ABL1: variants seen among roughly 807,000 people sequenced by gnomAD.
ABL1 encodes the protein tyrosine-protein kinase ABL1.
A neutral mutation model predicts 94.7 loss-of-function variants in ABL1; 11 were observed. That is an observed-to-expected ratio of 0.12 (90% CI 0.07 to 0.19). The LOEUF is 0.19. Among genes scored for constraint, ABL1 ranks in the 10% least tolerant of loss-of-function variants. The pLI is 1.00. For missense variants in ABL1, 1,082 were observed against 1,489.4 expected (o/e 0.73, Z 4.50); for synonymous variants, 656 against 622.4 (o/e 1.05, Z -0.80).
At chr9:130,730,968 AT>A (rs1831656936) in intron 1 of ABL1, among the ~76,000 whole-genome samples, 1 of 125,752 alleles carries the variant, frequency 8.0e-6, no homozygotes, top group Non-Finnish European at 1.7e-5. Context: ...TTACATAATT[AT>A]AGCCATTGTG....
chr9:130,788,598 G>A (rs1049728577), intron 1 of ABL1, among the ~76,000 whole-genome samples: 1 of 152,160 alleles, frequency 6.6e-6, no homozygotes, highest in Admixed American at 6.5e-5. Flanking sequence ...GTAGGATCCA[G>A]TCCTGGATCA....
intron 3 of ABL1, among the ~76,000 whole-genome samples, chr9:130,861,448 TA>T (rs1287961261): frequency 6.6e-6 from 1 of 152,242 alleles, no homozygotes; most frequent in Non-Finnish European, 1.5e-5. Flanking sequence ...TACCTTCTTT[TA>T]AAAACATTTT....
chr9:130,720,825 C>G (rs181494327), intron 1 of ABL1, among the ~76,000 whole-genome samples: 1 of 152,014 alleles, frequency 6.6e-6, no homozygotes, highest in Non-Finnish European at 1.5e-5. Flanking sequence ...AAGATTTGCT[C>G]TCGGATTAGA....
chr9:130,855,910 ATGTT>A (rs142747024), intron 3 of ABL1, among the ~76,000 whole-genome samples: 5,347 of 151,744 alleles, frequency 0.035, 307 homozygotes, highest in African/African-American at 0.12. Flanking sequence ...CCGATGGTGT[ATGTT>A]TGTTTGTTTG....
chr9:130,724,764 A>AT, intron 1 of ABL1: 1 of 465,308 alleles, frequency 2.1e-6, no homozygotes, highest in African/African-American at 2.0e-5. Flanking sequence ...AAAAAAAAAA[A>AT]AAAAAAGCAA....
chr9:130,885,182 A>G lies in ABL1; in HGVS notation c.2892A>G (p.Pro964=), dbSNP rs1333362077. Residue 964 remains proline (P), a synonymous_variant, in exon 11 of 11, where the codon CCA becomes CCG. Transcript: ENST00000318560. ...AAAAGCCCGTGCTCCCGGCCACTCC[A>G]AAGCCACAGTCCGCCAAGCCGTCGG... is the stretch of plus-strand genomic sequence containing the variant. ...GLKKPVLPAT[P]KPQSAKPSGT... is the part of the protein sequence containing the mutation. The G allele has an allele frequency of 1.2e-6, 2 of 1,613,468 alleles. No individual in the cohort carries two copies. Among genetic ancestry groups the G allele is most frequent in the Admixed American group, 3.3e-5 (2 of 60,030 alleles).
rs560211357 is a variant in ABL1 at position 130,886,822 on chromosome 9, G to A, written c.*1139G>A. The A allele has an allele frequency of 6.0e-5, 14 of 233,358 alleles. No individual in the cohort carries two copies. In the South Asian group the frequency reaches 1.1e-3, roughly 18 times the overall value. 14.5% of individuals were successfully genotyped at this position (233,358 alleles called of 1,614,324 possible). On this transcript the variant is annotated 3_prime_UTR_variant, in exon 11 of 11. Transcript: ENST00000318560. Reference sequence around the variant, plus strand: ...AATAGAGCTGCCACTGGGCACCTGCGCACAGGTGGGAGGAAAGGGCCTGGC... The same window carrying A: ...AATAGAGCTGCCACTGGGCACCTGCACACAGGTGGGAGGAAAGGGCCTGGC...
At chr9:130,745,210 T>C (rs1476479559) in intron 1 of ABL1, among the ~76,000 whole-genome samples, 4 of 151,432 alleles carry the variant, frequency 2.6e-5, no homozygotes, top group Non-Finnish European at 4.4e-5. Context: ...TCAGCCTCCC[T>C]AGTAGCTGGG....
chr9:130,880,008 C>G lies in ABL1; in HGVS notation c.1424-60C>G, dbSNP rs527524204. On this transcript the variant is annotated intron_variant, in intron 8 of 10. Transcript: ENST00000318560. This position sits in a 1 kb window ranked among gnomAD's most constrained non-coding sequence, Gnocchi z 4.4. ...ATTCTAGACTTTTCCTTGAGAACTGCTAGCCCCGTATTGCTAGCCAGATCT... is the reference window on the plus strand; with the variant it reads ...ATTCTAGACTTTTCCTTGAGAACTGGTAGCCCCGTATTGCTAGCCAGATCT... 1 of 1,483,462 alleles carries G rather than the reference C, an allele frequency of 6.7e-7. No homozygotes were observed. Among genetic ancestry groups the G allele is most frequent in the Non-Finnish European group, 9.4e-7 (1 of 1,061,070 alleles). 91.9% of individuals were successfully genotyped at this position (1,483,462 alleles called of 1,614,324 possible).
chr9:130,796,819 C>CT (rs1393182560), intron 1 of ABL1, among the ~76,000 whole-genome samples: 3 of 148,038 alleles, frequency 2.0e-5, no homozygotes, highest in African/African-American at 7.6e-5. Context: ...ACTCAGGAGG[C>CT]TGCGGCAGGA....
Position 130,884,783 on chromosome 9 carries a change from C to A in ABL1, c.2493C>A (p.Pro831=). ...QVTVAPASGL[P]HKEEAGKGSA... ...CCGTGGCCCCTGCCTCGGGCCTCCCCCACAAGGAAGAAGCTGGAAAGGGCA... is the reference window on the plus strand; with the variant it reads ...CCGTGGCCCCTGCCTCGGGCCTCCCACACAAGGAAGAAGCTGGAAAGGGCA... The change falls in exon 11 of 11, where the codon CCC becomes CCA. Residue 831 remains proline (P), a synonymous_variant. Coordinates refer to ENST00000318560, the MANE Select transcript of ABL1 (RefSeq NM_005157.6). The surrounding 1 kb of genome is among the most constrained non-coding windows in gnomAD (Gnocchi z 5.6). The A allele has an allele frequency of 1.2e-6, 2 of 1,610,752 alleles. No homozygotes were observed. Among genetic ancestry groups the A allele is most frequent in the Non-Finnish European group, 1.7e-6 (2 of 1,178,698 alleles).
exon 1 of ABL1, among the ~76,000 whole-genome samples, chr9:130,713,545 C>G (rs992579109): frequency 1.2e-4 from 19 of 152,180 alleles, no homozygotes; most frequent in African/African-American, 3.6e-4. Context: ...GCCTCCCATT[C>G]AAATCCCTCC....
At chr9:130,780,669 G>A (rs1333470420) in intron 1 of ABL1, among the ~76,000 whole-genome samples, 2 of 152,132 alleles carry the variant, frequency 1.3e-5, no homozygotes, top group Admixed American at 6.6e-5. Flanking sequence ...ATAAAAAAAA[G>A]TTGAGAGGAG....
At chr9:130,827,934 T>TAAATAAATAAAG (rs1420546169) in intron 1 of ABL1, among the ~76,000 whole-genome samples, 1 of 146,126 alleles carries the variant, frequency 6.8e-6, no homozygotes, top group African/African-American at 2.6e-5. Context: ...AATAAATAAA[T>TAAATAAATAAAG]AAAGCTATGC....
At chr9:130,815,828 C>T (rs902449404) in intron 1 of ABL1, among the ~76,000 whole-genome samples, 1 of 152,074 alleles carries the variant, frequency 6.6e-6, no homozygotes, top group Non-Finnish European at 1.5e-5. Context: ...TCGAGACCAG[C>T]CTGGCCAACA....
At chr9:130,740,819 A>AT (rs34323373) in intron 1 of ABL1, among the ~76,000 whole-genome samples, 36,554 of 98,012 alleles carry the variant, frequency 0.37, 7,849 homozygotes, top group East Asian at 0.54. Context: ...CCACACCCAG[A>AT]TTTTTTTTTT....
chr9:130,865,924 G>A (rs1056830397), intron 4 of ABL1, among the ~76,000 whole-genome samples: 8 of 152,084 alleles, frequency 5.3e-5, no homozygotes, highest in East Asian at 1.9e-4. Context: ...TGAGCATCCC[G>A]GACCCTAAAA....
At position 130,872,356 on chromosome 9, in the gene ABL1, A is replaced by G; in HGVS notation, c.907+143A>G. On this transcript the variant is annotated intron_variant, in intron 5 of 10. Coordinates refer to ENST00000318560, the MANE Select transcript of ABL1 (RefSeq NM_005157.6). This position sits in a 1 kb window ranked among gnomAD's most constrained non-coding sequence, Gnocchi z 5.0. Reference sequence around the variant, plus strand: ...TCTGCCGACGTTCAGCCGCGGGTAAAATGAGGCCTGTATGGGATGGGTGTG... The same window carrying G: ...TCTGCCGACGTTCAGCCGCGGGTAAGATGAGGCCTGTATGGGATGGGTGTG... The G allele has an allele frequency of 1.0e-5, 7 of 698,786 alleles. No homozygotes were observed. The highest frequency in any genetic ancestry group is 1.4e-5 in the Non-Finnish European group (6 of 413,860). The allele number at this position is 698,786 out of a possible 1,614,324, so 43.3% of individuals were successfully genotyped here. A position where few individuals can be genotyped will look rare whatever the true frequency, so the allele number is the denominator to read the frequency against.
chr9:130,738,650 C>A (rs1831775905), intron 1 of ABL1, among the ~76,000 whole-genome samples: 1 of 152,156 alleles, frequency 6.6e-6, no homozygotes, highest in Non-Finnish European at 1.5e-5. Flanking sequence ...TCTCCAGTGT[C>A]CTCGTGGAAC....
Sources: allele counts gnomAD v4.1 joint callset (sites outside exome capture counted in the v4.1 genomes callset), GRCh38; gene constraint gnomAD v4.1.1; non-coding constraint Gnocchi (gnomAD v3.1); transcripts MANE v1.5; gene names NCBI Gene and HGNC (gene_info 2026-07-23, HGNC 2026-07-21).